VPS16: variants seen among roughly 807,000 people sequenced by gnomAD.
VPS16 encodes VPS16 core subunit of CORVET and HOPS complexes.
In VPS16, 82 loss-of-function variants were observed where a neutral mutation model predicts 116.0. That is an observed-to-expected ratio of 0.71 (90% CI 0.59 to 0.85). The LOEUF (loss-of-function observed/expected upper bound fraction) is 0.85, where lower values mean the gene tolerates loss of function less well. VPS16 is among the 40% of genes least tolerant of loss of function. The pLI, the probability that VPS16 is intolerant of heterozygous loss-of-function variation, is 0.00. For synonymous variants in VPS16, 406 were observed against 420.7 expected, an observed-to-expected ratio of 0.96 and a Z score of 0.43; for missense variants, 928 against 1,090.6, an observed-to-expected ratio of 0.85 and a Z score of 2.10.
chr20:2,845,170 T>G (rs2089046055), intron 1 of VPS16, among the ~76,000 whole-genome samples: 1 of 150,984 alleles, frequency 6.6e-6, no homozygotes, highest in African/African-American at 2.4e-5. Context: ...AGTACTGGGG[T>G]GGTGATGGTG....
chr20:2,861,277 T>A lies in VPS16; in HGVS notation c.806T>A (p.Val269Asp). The A allele has an allele frequency of 6.2e-7, 1 of 1,614,080 alleles. No homozygotes were observed. The highest frequency in any genetic ancestry group is 8.5e-7 in the Non-Finnish European group (1 of 1,180,006). The change falls in exon 8 of 24, where the codon GTC becomes GAC. Residue 269 changes from valine to aspartate, a missense_variant. Physicochemically the swap from Val to Asp is radical, Grantham distance 152. Coordinates refer to ENST00000380445, the MANE Select transcript of VPS16 (RefSeq NM_022575.4). ...ATCCGGGCACCTCCAAAGCAGATGG[T>A]CTGGTAAGGATGGGGGTGTTATTGC... ...CNIRAPPKQM[V>D]WCSRPRSKER...
Position 2,861,265 on chromosome 20 carries a change from C to T in VPS16, c.794C>T (p.Pro265Leu). The change falls in exon 8 of 24, where the codon CCA becomes CTA. Residue 265 changes from proline to leucine, a missense_variant. Coordinates refer to ENST00000380445, the MANE Select transcript of VPS16 (RefSeq NM_022575.4). ...TTCAACTGCAACATCCGGGCACCTC[C>T]AAAGCAGATGGTCTGGTAAGGATGG... ...CEFNCNIRAPPKQMVWCSRPR... is the reference protein window; with the variant it reads ...CEFNCNIRAPLKQMVWCSRPR... The T allele has an allele frequency of 6.2e-7, 1 of 1,614,170 alleles. No individual in the cohort carries two copies. The highest frequency in any genetic ancestry group is 8.5e-7 in the Non-Finnish European group (1 of 1,180,032).
chr20:2,849,317 T>G (rs2089093058), intron 1 of VPS16, among the ~76,000 whole-genome samples: 1 of 151,262 alleles, frequency 6.6e-6, no homozygotes, highest in East Asian at 1.9e-4. Context: ...TTTTTTTTTT[T>G]GAGGCGGAGT....
intron 1 of VPS16, among the ~76,000 whole-genome samples, chr20:2,843,435 GAAA>G (rs77758460): frequency 7.3e-6 from 1 of 137,766 alleles, no homozygotes; most frequent in African/African-American, 2.7e-5. Flanking sequence ...CCATCTTGGG[GAAA>G]AAAAAAAAAG....
At chr20:2,849,028 C>T (rs1200146987) in intron 1 of VPS16, among the ~76,000 whole-genome samples, 1 of 152,128 alleles carries the variant, frequency 6.6e-6, no homozygotes, top group African/African-American at 2.4e-5. Flanking sequence ...GCAGGGCTTT[C>T]AAGGAAAAGC....
Position 2,840,757 on chromosome 20 carries a change from C to T in VPS16, c.-18C>T, listed in dbSNP as rs557694329. The T allele has an allele frequency of 2.4e-5, 37 of 1,548,004 alleles. No homozygotes were observed. Among genetic ancestry groups the T allele is most frequent in the South Asian group, 2.4e-4 (20 of 83,992 alleles). ...TGGGTGTCCCCTCGGTGCTTCCCAGCTGCCGTCTGCACCAGCCATGGACTG... is the reference window on the plus strand; with the variant it reads ...TGGGTGTCCCCTCGGTGCTTCCCAGTTGCCGTCTGCACCAGCCATGGACTG... On this transcript the variant is annotated 5_prime_UTR_variant, in exon 1 of 24. Coordinates refer to ENST00000380445, the MANE Select transcript of VPS16 (RefSeq NM_022575.4).
chr20:2,863,188 A>T lies in VPS16; in HGVS notation c.1367+88A>T. 1 of 1,608,928 alleles carries T rather than the reference A, an allele frequency of 6.2e-7. No individual in the cohort carries two copies. On this transcript the variant is annotated intron_variant, in intron 14 of 23. Coordinates refer to ENST00000380445, the MANE Select transcript of VPS16 (RefSeq NM_022575.4). The surrounding 1 kb of genome is among the most constrained non-coding windows in gnomAD (Gnocchi z 4.4). ...TGGGGTCTTATGGTCACTGCTCCTG[A>T]CCTATCTAGGATGTGGGAGGCCTGA... is the stretch of plus-strand genomic sequence containing the variant.
chr20:2,862,505 C>T (rs1165536754), intron 11 of VPS16, 74 bp from the exon 12 acceptor site: 18 of 1,568,326 alleles, frequency 1.1e-5, no homozygotes, highest in Middle Eastern at 2.3e-4. Flanking sequence ...TGAACCACAA[C>T]CCAGAATGGT....
chr20:2,840,893 C>A, intron 1 of VPS16, 66 bp downstream of exon 1: 1 of 1,473,508 alleles, frequency 6.8e-7, no homozygotes, highest in South Asian at 1.3e-5. Context: ...TGGAGTCTCC[C>A]GGCGGCGTTC....
In VPS16 at chr20:2,856,952, A is replaced by G. The variant is rs987578953; in HGVS notation, c.54-2767A>G. Among the ~76,000 whole-genome samples, 5 of 147,812 alleles carry G rather than the reference A, an allele frequency of 3.4e-5. No individual in the cohort carries two copies. The Admixed American group carries it at 3.4e-4, about 10-fold the overall frequency. On this transcript the variant is annotated intron_variant, in intron 1 of 23. Transcript: ENST00000380445. ...CTCTTTCAGATGATCTTTTTCCCCT[A>G]TATGAACTTTTTTTTCTTTTTCTTT... is the stretch of plus-strand genomic sequence containing the variant.
rs778455154 is a variant in VPS16 at position 2,864,541 on chromosome 20, C to A, written c.1819-6C>A. 1.9e-6 allele frequency: 3 copies of A among 1,614,124 alleles called. No individual in the cohort carries two copies. In the South Asian group the frequency reaches 3.3e-5, roughly 18 times the overall value. Reference sequence around the variant, plus strand: ...TTGCTGACTGATTGCCTGCCTGTGGCCCCAGTTCTGTAAGCATCAGGAGCT... The same window carrying A: ...TTGCTGACTGATTGCCTGCCTGTGGACCCAGTTCTGTAAGCATCAGGAGCT... On this transcript the variant is annotated splice_region_variant and splice_polypyrimidine_tract_variant and intron_variant, in intron 18 of 23. Coordinates refer to ENST00000380445, the MANE Select transcript of VPS16 (RefSeq NM_022575.4). This position sits in a 1 kb window ranked among gnomAD's most constrained non-coding sequence, Gnocchi z 5.2.
intron 23 of VPS16, 42 bp downstream of exon 23, chr20:2,866,357 G>A: frequency 6.2e-7 from 1 of 1,614,138 alleles, no homozygotes; most frequent in Non-Finnish European, 8.5e-7. Flanking sequence ...TGGCTGAGCT[G>A]TGGGCTGGTG....
At position 2,863,307 on chromosome 20, in the gene VPS16, T is replaced by C; in HGVS notation, c.1385T>C (p.Leu462Pro). Reference sequence around the variant, plus strand: ...TCTACCAGGCTCGTGTTGCGGAGACTTTACCCCCTGGCCATCCAGATATGC... The same window carrying C: ...TCTACCAGGCTCGTGTTGCGGAGACCTTACCCCCTGGCCATCCAGATATGC... ...VLLDRLVLRR[L>P]YPLAIQICEY... Residue 462 changes from leucine (L) to proline (P), a missense_variant, in exon 15 of 24, where the codon CTT becomes CCT. Transcript: ENST00000380445. The surrounding 1 kb of genome is among the most constrained non-coding windows in gnomAD (Gnocchi z 4.4). 2 of 1,614,186 alleles carry C rather than the reference T, an allele frequency of 1.2e-6. No homozygotes were observed. The highest frequency in any genetic ancestry group is 1.7e-6 in the Non-Finnish European group (2 of 1,180,034).
intron 1 of VPS16, among the ~76,000 whole-genome samples, chr20:2,847,462 A>T (rs1193502804): frequency 6.7e-6 from 1 of 148,752 alleles, no homozygotes; most frequent in Non-Finnish European, 1.5e-5. Context: ...TGAAATGCTA[A>T]AATCAAACCG....
Position 2,862,980 on chromosome 20 carries a change from AG to A in VPS16, c.1331+50del, listed in dbSNP as rs749076793. ...AGGGTACCCTACAGCCAGGGGTGGC[AG>A]GGGAAGGGGCTGGAGATGCGTCTGC... On this transcript the variant is annotated intron_variant, in intron 13 of 23. Transcript: ENST00000380445. The A allele has an allele frequency of 2.5e-6, 4 of 1,613,638 alleles. No homozygotes were observed. The African/African-American group carries it at 4.0e-5, about 16-fold the overall frequency.
Position 2,864,729 on chromosome 20 carries a change from C to G in VPS16, c.1926+75C>G. 6.7e-7 allele frequency: 1 copy of G among 1,496,908 alleles called. No individual in the cohort carries two copies. The highest frequency in any genetic ancestry group is 9.2e-7 in the Non-Finnish European group (1 of 1,083,942). 92.7% of individuals were successfully genotyped at this position (1,496,908 alleles called of 1,614,324 possible). On this transcript the variant is annotated intron_variant, in intron 19 of 23. Transcript: ENST00000380445. The surrounding 1 kb of genome is among the most constrained non-coding windows in gnomAD (Gnocchi z 5.2). ...CTGTTGGTCCGGTTCCTTCAGGAAT[C>G]TAGGCCTTCGTGTTGGGTGCACACT... is the stretch of plus-strand genomic sequence containing the variant.
In VPS16 at chr20:2,860,661, T is replaced by C; in HGVS notation, c.514+68T>C. Reference sequence around the variant, plus strand: ...ATGTGCCTCTAGCCTGTGAGACCCATAAAAACAGAAGCTGTGGCTAGAGAC... The same window carrying C: ...ATGTGCCTCTAGCCTGTGAGACCCACAAAAACAGAAGCTGTGGCTAGAGAC... On this transcript the variant is annotated intron_variant, in intron 5 of 23. Coordinates refer to ENST00000380445, the MANE Select transcript of VPS16 (RefSeq NM_022575.4). This position sits in a 1 kb window ranked among gnomAD's most constrained non-coding sequence, Gnocchi z 6.1. 6.2e-7 allele frequency: 1 copy of C among 1,609,980 alleles called. No homozygotes were observed. Among genetic ancestry groups the C allele is most frequent in the South Asian group, 1.1e-5 (1 of 91,036 alleles).
In VPS16 at chr20:2,865,256, C is replaced by G. The variant is rs759241858; in HGVS notation, c.2113C>G (p.Leu705Val). The change falls in exon 21 of 24, where the codon CTT (leucine) becomes GTT (valine). Residue 705 changes from leucine (L) to valine (V), a missense_variant. Physicochemically the swap from Leu to Val is conservative, Grantham distance 32. Transcript: ENST00000380445. The surrounding 1 kb of genome is among the most constrained non-coding windows in gnomAD (Gnocchi z 5.2). ...ACATGACACAGTTACCACCCTCATT[C>G]TTGGCGGTCACAACAAGCGTGCAGA... ...SLHDTVTTLI[L>V]GGHNKRAEQL... 64 of 1,614,090 alleles carry G rather than the reference C, an allele frequency of 4.0e-5. No homozygotes were observed. The highest frequency in any genetic ancestry group is 5.0e-5 in the Non-Finnish European group (59 of 1,180,056).
At chr20:2,853,418 AAC>A (rs1957902925) in intron 1 of VPS16, among the ~76,000 whole-genome samples, 2 of 144,698 alleles carry the variant, frequency 1.4e-5, no homozygotes, top group African/African-American at 5.3e-5. Context: ...AAAAAAAAAA[AAC>A]CCACTTTCTT....
Sources: allele counts gnomAD v4.1 joint callset (sites outside exome capture counted in the v4.1 genomes callset), GRCh38; gene constraint gnomAD v4.1.1; non-coding constraint Gnocchi (gnomAD v3.1); transcripts MANE v1.5; gene names NCBI Gene and HGNC (gene_info 2026-07-23, HGNC 2026-07-21).